HMGCLL1: variants seen among roughly 807,000 people sequenced by gnomAD.
HMGCLL1 encodes the protein 3-hydroxymethyl-3-methylglutaryl-CoA lyase, cytoplasmic.
Under a neutral mutation model 39.1 loss-of-function variants are expected in HMGCLL1, and 36 were observed. That is an observed-to-expected ratio of 0.92 (90% CI 0.71 to 1.22). The LOEUF (loss-of-function observed/expected upper bound fraction) is 1.22. Ranked by LOEUF, HMGCLL1 falls within the 50% of genes most tolerant of loss-of-function variation. HMGCLL1 has a pLI of 0.00. For missense variants in HMGCLL1, 451 were observed against 416.5 expected (o/e 1.08, Z -0.72); for synonymous variants, 149 against 144.0 (o/e 1.03, Z -0.25).
intron 1 of HMGCLL1, among the ~76,000 whole-genome samples, chr6:55,544,300 T>G (rs1013021464): frequency 4.6e-5 from 7 of 152,068 alleles, no homozygotes; most frequent in African/African-American, 1.7e-4. Context: ...TTATTTAAAA[T>G]CGGGGGAAAA....
At chr6:55,531,073 T>C (rs768966746) in intron 3 of HMGCLL1, among the ~76,000 whole-genome samples, 17 of 152,230 alleles carry the variant, frequency 1.1e-4, no homozygotes, top group Non-Finnish European at 2.2e-4. Context: ...AATGCTTTAA[T>C]GTTTAAACCA....
chr6:55,541,690 T>TTA (rs750984873), intron 3 of HMGCLL1, 39 bp downstream of exon 3: 12 of 1,022,308 alleles, frequency 1.2e-5, no homozygotes, highest in Non-Finnish European at 1.8e-5. Flanking sequence ...TTGGTGAAGT[T>TTA]GAATTAGGAT....
the HMGCLL1 span, among the ~76,000 whole-genome samples, chr6:55,606,016 A>G: frequency 6.6e-6 from 1 of 152,148 alleles, no homozygotes; most frequent in Non-Finnish European, 1.5e-5. Context: ...TTCCTATTTG[A>G]TGAATTGAAG....
At chr6:55,612,509 A>C in the HMGCLL1 span, among the ~76,000 whole-genome samples, 1 of 152,216 alleles carries the variant, frequency 6.6e-6, no homozygotes, top group Non-Finnish European at 1.5e-5. Flanking sequence ...CCTAAGCAAA[A>C]GGAACAAAGC....
chr6:55,610,708 A>G, the HMGCLL1 span, among the ~76,000 whole-genome samples: 1 of 152,188 alleles, frequency 6.6e-6, no homozygotes, highest in Admixed American at 6.6e-5. Flanking sequence ...CTCTATGAGC[A>G]GATCAACACT....
intron 7 of HMGCLL1, among the ~76,000 whole-genome samples, chr6:55,450,856 G>A (rs1764049827): frequency 6.6e-6 from 1 of 152,090 alleles, no homozygotes; most frequent in African/African-American, 2.4e-5. Flanking sequence ...TTTGAGTTAG[G>A]GTGTAAGGAG....
chr6:55,632,150 A>G, the HMGCLL1 span, among the ~76,000 whole-genome samples: 1 of 152,284 alleles, frequency 6.6e-6, no homozygotes, highest in South Asian at 2.1e-4. Context: ...CATTTGAGCC[A>G]AGATGTAGGT....
chr6:55,492,725 C>G (rs1271365596), intron 7 of HMGCLL1, among the ~76,000 whole-genome samples: 4 of 152,192 alleles, frequency 2.6e-5, no homozygotes, highest in African/African-American at 9.7e-5. Flanking sequence ...CACTTTTACT[C>G]TCTTATCCAT....
chr6:55,497,674 G>A (rs1766649687), intron 6 of HMGCLL1, among the ~76,000 whole-genome samples: 2 of 152,174 alleles, frequency 1.3e-5, no homozygotes, highest in Non-Finnish European at 2.9e-5. Context: ...ACCTGGATCT[G>A]TCAAGCTTAG....
In HMGCLL1 at chr6:55,439,447, A is replaced by G; in HGVS notation, c.908T>C (p.Leu303Pro). The G allele has an allele frequency of 6.2e-7, 1 of 1,612,264 alleles. No individual in the cohort carries two copies. The change falls in exon 8 of 9, where the codon CTG (leucine) becomes CCG (proline). Residue 303 changes from leucine to proline, a missense_variant. Leu to Pro is a moderately conservative substitution (Grantham distance 98). Coordinates refer to ENST00000274901, the MANE Select transcript of HMGCLL1 (RefSeq NM_001042406.2). ...TEDLIYMLNG[L>P]GLNTGVNLYK... ...AAAGTAACTTACTGTATTGAGCCCC[A>G]GGCCATTAAGCATATATATCAAATC...
the HMGCLL1 span, among the ~76,000 whole-genome samples, chr6:55,627,908 ACTATATATATATAATAT>A: frequency 5.8e-5 from 1 of 17,334 alleles, no homozygotes; most frequent in African/African-American, 3.0e-4. Context: ...TAGTATATAT[ACTATATATATATAATAT>A]ATATACTATA....
At chr6:55,592,144 G>A in the HMGCLL1 span, among the ~76,000 whole-genome samples, 1 of 151,900 alleles carries the variant, frequency 6.6e-6, no homozygotes, top group Non-Finnish European at 1.5e-5. Context: ...TGGGACAACA[G>A]GCCTAAAGCA....
At chr6:55,445,723 A>G (rs1020948678) in intron 7 of HMGCLL1, among the ~76,000 whole-genome samples, 1 of 152,026 alleles carries the variant, frequency 6.6e-6, no homozygotes, top group Non-Finnish European at 1.5e-5. Flanking sequence ...TTATGTTTGC[A>G]CCATATATCA....
intron 1 of HMGCLL1, among the ~76,000 whole-genome samples, chr6:55,568,135 G>C (rs1462548285): frequency 3.9e-5 from 6 of 151,956 alleles, no homozygotes; most frequent in Non-Finnish European, 7.4e-5. Context: ...TTTACTAATT[G>C]GTATTATTTT....
chr6:55,657,973 T>A, the HMGCLL1 span, among the ~76,000 whole-genome samples: 1 of 151,858 alleles, frequency 6.6e-6, no homozygotes, highest in Non-Finnish European at 1.5e-5. Flanking sequence ...GCTTAATACC[T>A]GGGTGATGAA....
chr6:55,576,955 A>C (rs1250749856), intron 1 of HMGCLL1: 1 of 1,304,860 alleles, frequency 7.7e-7, no homozygotes, highest in Non-Finnish European at 1.1e-6. Context: ...TTCAAGAGAA[A>C]TAGGGGAATG....
At chr6:55,457,785 C>A (rs1161544524) in intron 7 of HMGCLL1, among the ~76,000 whole-genome samples, 1 of 152,100 alleles carries the variant, frequency 6.6e-6, no homozygotes, top group East Asian at 1.9e-4. Flanking sequence ...TTTTCATAAG[C>A]TCTAACTAGA....
chr6:55,579,194 C>T (rs1356306075), upstream of HMGCLL1: 1 of 676,562 alleles, frequency 1.5e-6, no homozygotes, highest in Non-Finnish European at 2.5e-6. Context: ...CTGTTCTGCG[C>T]ACTGCGGCGG....
chr6:55,520,305 G>C (rs1178253298), intron 3 of HMGCLL1, among the ~76,000 whole-genome samples: 1 of 150,542 alleles, frequency 6.6e-6, no homozygotes, highest in Non-Finnish European at 1.5e-5. Context: ...AATGAACAGG[G>C]ATGATAATGA....
Sources: allele counts gnomAD v4.1 joint callset (sites outside exome capture counted in the v4.1 genomes callset), GRCh38; gene constraint gnomAD v4.1.1; transcripts MANE v1.5; gene names NCBI Gene and HGNC (gene_info 2026-07-23, HGNC 2026-07-21).